ATG5: variants seen among roughly 807,000 people sequenced by gnomAD.
ATG5 encodes autophagy protein 5.
Under a neutral mutation model 36.5 loss-of-function variants are expected in ATG5, and 14 were observed. The observed-to-expected ratio is 0.38, with a 90% CI of 0.25 to 0.60. The LOEUF (loss-of-function observed/expected upper bound fraction) is 0.60, where lower values mean the gene tolerates loss of function less well. Among genes scored for constraint, ATG5 ranks in the 20% least tolerant of loss-of-function variants. The probability of loss-of-function intolerance (pLI) is 0.60; values close to 1 mark genes in which losing one functional copy is unlikely to be tolerated. For missense variants in ATG5, 195 were observed against 326.7 expected, an observed-to-expected ratio of 0.60 and a Z score of 3.11; for synonymous variants, 95 against 101.5, an observed-to-expected ratio of 0.94 and a Z score of 0.38.
At chr6:106,292,615 G>A (rs972557220) in intron 4 of ATG5, among the ~76,000 whole-genome samples, 3 of 151,956 alleles carry the variant, frequency 2.0e-5, no homozygotes, top group African/African-American at 4.8e-5. Context: ...TTTTCTAGCC[G>A]ACTTTTAAAA....
chr6:106,301,635 A>G (rs551447459), intron 3 of ATG5, among the ~76,000 whole-genome samples: 2 of 152,128 alleles, frequency 1.3e-5, no homozygotes, highest in East Asian at 3.9e-4. Context: ...AAATGATCCA[A>G]AATCTGAACC....
At chr6:106,279,340 C>A (rs3804333) in intron 5 of ATG5, among the ~76,000 whole-genome samples, 1 of 152,078 alleles carries the variant, frequency 6.6e-6, no homozygotes, top group East Asian at 1.9e-4. Flanking sequence ...ACTGTGACCA[C>A]AGAAGGGTCA....
chr6:106,231,381 T>C (rs571490244), intron 6 of ATG5, among the ~76,000 whole-genome samples: 1 of 152,168 alleles, frequency 6.6e-6, no homozygotes, highest in Non-Finnish European at 1.5e-5. Context: ...GTCAGGTCAA[T>C]GATAGGTCGA....
chr6:106,194,196 C>T (rs1370986337), intron 7 of ATG5, among the ~76,000 whole-genome samples: 2 of 152,084 alleles, frequency 1.3e-5, no homozygotes, highest in Non-Finnish European at 2.9e-5. Flanking sequence ...TTGTAAAACC[C>T]GCAATCTGAT....
chr6:106,211,841 G>A (rs1288055653), intron 6 of ATG5, among the ~76,000 whole-genome samples: 3 of 152,188 alleles, frequency 2.0e-5, no homozygotes, highest in Admixed American at 6.5e-5. Context: ...TATGTATGTT[G>A]TATTTTTCAA....
At chr6:106,228,275 C>T (rs978757223) in intron 6 of ATG5, among the ~76,000 whole-genome samples, 9 of 152,278 alleles carry the variant, frequency 5.9e-5, no homozygotes, top group African/African-American at 2.2e-4. Flanking sequence ...TGCTGTTTGC[C>T]GCCATCGCAG....
chr6:106,315,772 C>T (rs1161493454), intron 2 of ATG5, among the ~76,000 whole-genome samples: 2 of 152,020 alleles, frequency 1.3e-5, no homozygotes, highest in African/African-American at 4.8e-5. Flanking sequence ...CATTATCATA[C>T]ATTTATTATA....
At chr6:106,219,056 G>C (rs1035465033) in intron 6 of ATG5, among the ~76,000 whole-genome samples, 9 of 152,224 alleles carry the variant, frequency 5.9e-5, no homozygotes, top group South Asian at 2.1e-4. Flanking sequence ...CACAAGGACA[G>C]AAAGGCCTAT....
At chr6:106,239,513 T>C (rs1327460907) in intron 6 of ATG5, among the ~76,000 whole-genome samples, 1 of 152,118 alleles carries the variant, frequency 6.6e-6, no homozygotes, top group Non-Finnish European at 1.5e-5. Context: ...TAACTGAGAA[T>C]AACCATGAAA....
intron 6 of ATG5, among the ~76,000 whole-genome samples, chr6:106,237,712 C>T (rs967613876): frequency 1.3e-5 from 2 of 152,052 alleles, no homozygotes; most frequent in Admixed American, 6.6e-5. Context: ...AATCCAGTCC[C>T]GAATTCCATA....
intron 3 of ATG5, chr6:106,304,354 T>C (rs970093533): frequency 5.3e-5 from 8 of 152,206 alleles, no homozygotes; most frequent in Admixed American, 5.2e-4. Flanking sequence ...TTACAATATA[T>C]GTGGCTTGAC....
chr6:106,197,097 T>C (rs1776225907), intron 7 of ATG5, among the ~76,000 whole-genome samples: 1 of 152,168 alleles, frequency 6.6e-6, no homozygotes, highest in African/African-American at 2.4e-5. Flanking sequence ...ACAGAACACA[T>C]TACTTCCAAA....
intron 5 of ATG5, among the ~76,000 whole-genome samples, chr6:106,263,898 A>G (rs78486403): frequency 0.11 from 16,233 of 150,488 alleles, 962 homozygotes; most frequent in South Asian, 0.15. Context: ...AAAAAACAGC[A>G]CAAAAATGCT....
intron 4 of ATG5, among the ~76,000 whole-genome samples, chr6:106,284,152 C>T (rs560253053): frequency 6.6e-6 from 1 of 152,186 alleles, no homozygotes; most frequent in South Asian, 2.1e-4. Flanking sequence ...AGTTATTTCC[C>T]TATTTTGCAT....
chr6:106,186,739 G>C, intron 7 of ATG5, 63 bp from the exon 8 acceptor site: 1 of 1,568,926 alleles, frequency 6.4e-7, no homozygotes, highest in South Asian at 1.1e-5. Context: ...AAATAATCTG[G>C]TGCCTTTTGA....
At chr6:106,195,631 T>C (rs1022441862) in intron 7 of ATG5, among the ~76,000 whole-genome samples, 2 of 152,078 alleles carry the variant, frequency 1.3e-5, no homozygotes, top group Non-Finnish European at 2.9e-5. Context: ...CTGAAAAGAA[T>C]AGGCATTATC....
chr6:106,250,358 T>C (rs929027080), intron 5 of ATG5, among the ~76,000 whole-genome samples: 1 of 152,206 alleles, frequency 6.6e-6, no homozygotes, highest in Non-Finnish European at 1.5e-5. Flanking sequence ...AGACTCGCAG[T>C]ATATTAGAAA....
chr6:106,320,139 C>G (rs1272795029), intron 1 of ATG5, among the ~76,000 whole-genome samples: 1 of 152,150 alleles, frequency 6.6e-6, no homozygotes, highest in Non-Finnish European at 1.5e-5. Context: ...AATTAGAAGC[C>G]ACATCCTAAC....
At chr6:106,297,695 AAATT>A (rs1297007463) in intron 3 of ATG5, among the ~76,000 whole-genome samples, 4 of 150,520 alleles carry the variant, frequency 2.7e-5, no homozygotes, top group African/African-American at 7.4e-5. Flanking sequence ...TAAATTCTCT[AAATT>A]ATTTGCAAAA....
Sources: allele counts gnomAD v4.1 joint callset (sites outside exome capture counted in the v4.1 genomes callset), GRCh38; gene constraint gnomAD v4.1.1; transcripts MANE v1.5; gene names NCBI Gene and HGNC (gene_info 2026-07-23, HGNC 2026-07-21).